The following ZSCAN30 variants were observed in gnomAD, a reference collection of about 807,000 sequenced individuals.
The protein encoded by ZSCAN30 is zinc finger and SCAN domain containing 30.
Under a neutral mutation model 44.3 loss-of-function variants are expected in ZSCAN30, and 37 were observed. The observed-to-expected ratio is 0.84, with a 90% CI of 0.64 to 1.10. The LOEUF is 1.10. ZSCAN30 is among the 50% of genes least tolerant of loss of function. ZSCAN30 has a pLI of 0.00. For missense variants in ZSCAN30, 549 were observed against 582.6 expected (o/e 0.94, Z 0.59); for synonymous variants, 181 against 204.6 (o/e 0.88, Z 0.98).
chr18:35,262,521 G>C (rs973795784), intron 3 of ZSCAN30: 3 of 152,232 alleles, frequency 2.0e-5, no homozygotes, highest in South Asian at 4.1e-4. Flanking sequence ...GGGGGTTGCA[G>C]AGGAACTGGA....
Position 35,253,912 on chromosome 18 carries a change from G to A in ZSCAN30, c.1023C>T (p.Ser341=). 1 of 1,614,068 alleles carries A rather than the reference G, an allele frequency of 6.2e-7. No homozygotes were observed. Among genetic ancestry groups the A allele is most frequent in the Non-Finnish European group, 8.5e-7 (1 of 1,180,000 alleles). Residue 341 remains serine (S), a synonymous_variant, in exon 4 of 4, where the codon AGC becomes AGT. Coordinates refer to ENST00000333206, the MANE Select transcript of ZSCAN30 (RefSeq NM_001112734.4). ...TTCTCTGATGTCTAACAAGGTCTGA[G>A]CTCAAACTGAAGGCTTTGCCACATT... ...CKECGKAFSL[S]SDLVRHQRIH...
intron 1 of ZSCAN30, among the ~76,000 whole-genome samples, chr18:35,288,550 C>G (rs186019711): frequency 2.0e-5 from 3 of 152,158 alleles, no homozygotes; most frequent in African/African-American, 7.2e-5. Context: ...CTGGAATAAC[C>G]CAAATGCCCA....
In ZSCAN30 at chr18:35,252,839, C is replaced by G. The variant is rs1666126788; in HGVS notation, c.*611G>C. On this transcript the variant is annotated 3_prime_UTR_variant, in exon 4 of 4. Coordinates refer to ENST00000333206, the MANE Select transcript of ZSCAN30 (RefSeq NM_001112734.4). ...CAATGCCTAGCACATAGCAGGTGCT[C>G]AATAAACTAGTAGACTTGAATTAAC... 1 of 152,760 alleles carries G rather than the reference C, an allele frequency of 6.5e-6. No homozygotes were observed. Among genetic ancestry groups the G allele is most frequent in the South Asian group, 2.1e-4 (1 of 4,850 alleles). The allele number at this position is 152,760 out of a possible 1,614,324, so 9.5% of individuals were successfully genotyped here. A position where few individuals can be genotyped will look rare whatever the true frequency, so the allele number is the denominator to read the frequency against.
chr18:35,263,532 G>A lies in ZSCAN30; in HGVS notation c.534C>T (p.Ser178=). 6 of 1,614,146 alleles carry A rather than the reference G, an allele frequency of 3.7e-6. No individual in the cohort carries two copies. Among genetic ancestry groups the A allele is most frequent in the Non-Finnish European group, 5.1e-6 (6 of 1,180,028 alleles). Residue 178 remains serine, a synonymous_variant, in exon 3 of 4, where the codon TCC becomes TCT. Transcript: ENST00000333206. ...ENQCKTETQE[S]QAFQERDGRM... is the part of the protein sequence containing the mutation. ...TCTCACCTCTCTCCTGGAAAGCCTG[G>A]GACTCCTGAGTCTCAGTCTTGCACT... is the stretch of plus-strand genomic sequence containing the variant.
intron 2 of ZSCAN30, 114 bp downstream of exon 2, chr18:35,263,831 C>T: frequency 6.9e-7 from 1 of 1,450,210 alleles, no homozygotes; most frequent in East Asian, 2.3e-5. Context: ...AATTAATAAC[C>T]CAAAAGAAAG....
chr18:35,253,539 C>T lies in ZSCAN30; in HGVS notation c.1396G>A (p.Glu466Lys), dbSNP rs563801738. 2 of 1,613,946 alleles carry T rather than the reference C, an allele frequency of 1.2e-6. No homozygotes were observed. The highest frequency in any genetic ancestry group is 1.7e-6 in the Non-Finnish European group (2 of 1,179,860). Residue 466 changes from glutamate to lysine, a missense_variant, in exon 4 of 4, where the codon GAG becomes AAG. By Grantham distance (56) the Glu-to-Lys change is moderately conservative. Transcript: ENST00000333206. Reference protein sequence around the residue: ...LTQHQRIHTGEKPYECSECRK... With the variant: ...LTQHQRIHTGKKPYECSECRK... ...CATTCACTACATTCATAAGGCTTCT[C>T]TCCAGTGTGAATTCTCTGGTGCTGG...
In ZSCAN30 at chr18:35,252,639, C is replaced by T. The variant is rs569030112; in HGVS notation, c.*811G>A. 5 of 152,300 alleles carry T rather than the reference C, an allele frequency of 3.3e-5. No homozygotes were observed. The highest frequency in any genetic ancestry group is 9.6e-5 in the African/African-American group (4 of 41,566). 9.4% of individuals were successfully genotyped at this position (152,300 alleles called of 1,614,324 possible). A position where few individuals can be genotyped will look rare whatever the true frequency, so the allele number is the denominator to read the frequency against. Reference sequence around the variant, plus strand: ...CTTTATGTCTGAGATACCATCATATCCAGGAAGTCTTTAGTGACTCATAGA... The same window carrying T: ...CTTTATGTCTGAGATACCATCATATTCAGGAAGTCTTTAGTGACTCATAGA... On this transcript the variant is annotated 3_prime_UTR_variant, in exon 4 of 4. Transcript: ENST00000333206.
intron 1 of ZSCAN30, among the ~76,000 whole-genome samples, chr18:35,272,490 GTT>G (rs2044301297): frequency 6.6e-6 from 1 of 151,158 alleles, no homozygotes; most frequent in Non-Finnish European, 1.5e-5. Flanking sequence ...ACAGGTGTGT[GTT>G]ACCACACCCA....
chr18:35,258,231 GC>G, intron 3 of ZSCAN30: 1 of 493,796 alleles, frequency 2.0e-6, no homozygotes, highest in East Asian at 3.6e-5. Context: ...CCCAGTCAAG[GC>G]CATTCATGGC....
intron 3 of ZSCAN30, chr18:35,256,378 G>A (rs1396891310): frequency 6.6e-6 from 1 of 152,026 alleles, no homozygotes; most frequent in East Asian, 1.9e-4. Context: ...TGGCCAACAT[G>A]GCAAAACCCC....
Position 35,263,528 on chromosome 18 carries a change from C to G in ZSCAN30, c.538G>C (p.Ala180Pro). ...QCKTETQESQ[A>P]FQERDGRMVA... ...GGCTTCTCACCTCTCTCCTGGAAAG[C>G]CTGGGACTCCTGAGTCTCAGTCTTG... The change falls in exon 3 of 4, where the codon GCT becomes CCT. Residue 180 changes from alanine (A) to proline (P), a missense_variant. Ala to Pro is a conservative substitution (Grantham distance 27, BLOSUM62 -1). Transcript: ENST00000333206. The G allele has an allele frequency of 6.2e-7, 1 of 1,614,208 alleles. No homozygotes were observed. The highest frequency in any genetic ancestry group is 8.5e-7 in the Non-Finnish European group (1 of 1,180,034).
At chr18:35,270,817 T>C (rs770684262) in intron 1 of ZSCAN30, among the ~76,000 whole-genome samples, 1 of 152,200 alleles carries the variant, frequency 6.6e-6, no homozygotes, top group Non-Finnish European at 1.5e-5. Flanking sequence ...TGTTAACAGT[T>C]CTTAAAGATG....
At chr18:35,264,560 A>G (rs2044106431) in intron 1 of ZSCAN30, 105 bp from the exon 2 acceptor site, 5 of 544,706 alleles carry the variant, frequency 9.2e-6, no homozygotes, top group Non-Finnish European at 1.6e-5. Context: ...TTGTAAAGAA[A>G]ACTGACTAAC....
At chr18:35,273,018 T>C (rs183321393) in intron 1 of ZSCAN30, among the ~76,000 whole-genome samples, 8 of 152,272 alleles carry the variant, frequency 5.3e-5, no homozygotes, top group African/African-American at 1.9e-4. Flanking sequence ...CCACAACACA[T>C]GGGAATTATG....
chr18:35,270,928 A>C (rs2044258866), intron 1 of ZSCAN30, among the ~76,000 whole-genome samples: 1 of 152,154 alleles, frequency 6.6e-6, no homozygotes. Flanking sequence ...AAGCTGCAGA[A>C]CTTTGCAGTG....
At chr18:35,269,778 A>G (rs1216831086) in intron 1 of ZSCAN30, 1 of 151,724 alleles carries the variant, frequency 6.6e-6, no homozygotes, top group African/African-American at 2.4e-5. Flanking sequence ...AAAGAACCCA[A>G]TGAGTGAAAT....
At chr18:35,265,003 G>A (rs948773479) in intron 1 of ZSCAN30, among the ~76,000 whole-genome samples, 23 of 152,036 alleles carry the variant, frequency 1.5e-4, no homozygotes, top group Non-Finnish European at 2.4e-4. Flanking sequence ...AAAATTAGCC[G>A]GGCGTGGTGG....
intron 1 of ZSCAN30, among the ~76,000 whole-genome samples, chr18:35,271,978 G>A (rs1055534591): frequency 5.9e-5 from 9 of 152,110 alleles, no homozygotes; most frequent in Non-Finnish European, 8.8e-5. Context: ...CCCGGAACTC[G>A]CGCTGGCACG....
intron 3 of ZSCAN30, chr18:35,262,587 C>T (rs2044049083): frequency 6.6e-6 from 1 of 152,234 alleles, no homozygotes; most frequent in Non-Finnish European, 1.5e-5. Context: ...TTCTGTAGCA[C>T]ATGGGACACC....
Sources: gnomAD v4.1 joint callset for allele counts (sites outside exome capture counted in the v4.1 genomes callset) on GRCh38, gnomAD v4.1.1 for gene constraint, MANE v1.5 for transcripts, NCBI Gene and HGNC (gene_info 2026-07-23, HGNC 2026-07-21) for gene names.